CDC42BPA: variants seen among roughly 807,000 people sequenced by gnomAD.
CDC42BPA encodes CDC42 binding protein kinase alpha.
A neutral mutation model predicts 223.5 loss-of-function variants in CDC42BPA; 80 were observed. The ratio of observed to expected loss-of-function variants is 0.36; its 90% confidence interval spans 0.30 to 0.43. The LOEUF is 0.43. Among genes scored for constraint, CDC42BPA ranks in the 20% least tolerant of loss-of-function variants. The probability of loss-of-function intolerance (pLI) is 1.00; values close to 1 mark genes in which losing one functional copy is unlikely to be tolerated. For synonymous variants in CDC42BPA, 694 were observed against 718.6 expected (o/e 0.97, Z 0.55); for missense variants, 1,743 against 2,099.9 (o/e 0.83, Z 3.32).
chr1:227,123,648 G>A (rs1309387144), intron 11 of CDC42BPA, among the ~76,000 whole-genome samples: 1 of 152,188 alleles, frequency 6.6e-6, no homozygotes, highest in East Asian at 1.9e-4. Context: ...ACTATAAACT[G>A]GAAAGGAGTT....
intron 1 of CDC42BPA, among the ~76,000 whole-genome samples, chr1:227,314,087 C>G (rs185911136): frequency 1.3e-5 from 2 of 152,100 alleles, no homozygotes; most frequent in Admixed American, 6.5e-5. Flanking sequence ...GCCGATTTAA[C>G]GAATGATATA....
chr1:227,186,974 C>T (rs183948478), intron 5 of CDC42BPA, among the ~76,000 whole-genome samples: 8 of 152,256 alleles, frequency 5.3e-5, no homozygotes, highest in Admixed American at 4.6e-4. Flanking sequence ...TTAGGAACTG[C>T]CTTTTCTTTT....
At chr1:227,016,832 A>G (rs1666370952) in intron 33 of CDC42BPA, 95 bp downstream of exon 33, 4 of 1,239,142 alleles carry the variant, frequency 3.2e-6, no homozygotes, top group Non-Finnish European at 4.4e-6. Context: ...ATTTTCAGAT[A>G]CCCAATTTTC....
At chr1:227,301,932 ATTG>A (rs1367297710) in intron 1 of CDC42BPA, among the ~76,000 whole-genome samples, 2 of 151,634 alleles carry the variant, frequency 1.3e-5, no homozygotes, top group African/African-American at 4.8e-5. Flanking sequence ...TATTTTTCTT[ATTG>A]TTTTCTCATT....
At chr1:227,049,008 T>C (rs1673024437) in intron 22 of CDC42BPA, among the ~76,000 whole-genome samples, 1 of 151,984 alleles carries the variant, frequency 6.6e-6, no homozygotes, top group Non-Finnish European at 1.5e-5. Context: ...CAAAATTCAG[T>C]TGAGTTTCTC....
chr1:227,075,860 A>G (rs1679360329), intron 17 of CDC42BPA, among the ~76,000 whole-genome samples: 1 of 152,172 alleles, frequency 6.6e-6, no homozygotes, highest in Non-Finnish European at 1.5e-5. Context: ...GTTTATGCAC[A>G]TTTCCAAGAA....
chr1:227,260,152 A>G (rs1479558583), intron 1 of CDC42BPA, among the ~76,000 whole-genome samples: 1 of 151,058 alleles, frequency 6.6e-6, no homozygotes, highest in African/African-American at 2.5e-5. Context: ...CCTTTCCAAC[A>G]TAACAAGTTG....
chr1:227,047,983 G>T lies in CDC42BPA; in HGVS notation c.3037C>A (p.His1013Asn). The T allele has an allele frequency of 6.2e-7, 1 of 1,611,166 alleles. No individual in the cohort carries two copies. The highest frequency in any genetic ancestry group is 1.1e-5 in the South Asian group (1 of 90,908). ...KTVDSTPLSV[H>N]TPTLRKKGCP... ...CCTTTTTTCCTTAAGGTTGGTGTGT[G>T]AACTGAAAGTGGAGTGGAGTCTACA... Residue 1013 changes from histidine to asparagine, a missense_variant, in exon 23 of 37, where the codon CAC (histidine) becomes AAC (asparagine). Physicochemically the swap from His to Asn is moderately conservative, Grantham distance 68 (BLOSUM62 1). Transcript: ENST00000366766.
chr1:227,034,642 T>G lies in CDC42BPA; in HGVS notation c.3476+13A>C. On this transcript the variant is annotated intron_variant, in intron 26 of 36. Coordinates refer to ENST00000366766, the MANE Select transcript of CDC42BPA (RefSeq NM_001394014.1). Reference sequence around the variant, plus strand: ...TTGCAATGATACAAATAATTTTACCTTCAAACTCTTACCTCATGTCAATCA... The same window carrying G: ...TTGCAATGATACAAATAATTTTACCGTCAAACTCTTACCTCATGTCAATCA... The G allele has an allele frequency of 6.3e-7, 1 of 1,581,886 alleles. No individual in the cohort carries two copies. Among genetic ancestry groups the G allele is most frequent in the South Asian group, 1.2e-5 (1 of 85,960 alleles).
chr1:227,190,131 C>G (rs925157309), intron 5 of CDC42BPA, among the ~76,000 whole-genome samples: 2 of 152,156 alleles, frequency 1.3e-5, no homozygotes, highest in Non-Finnish European at 2.9e-5. Context: ...CTACTATTTA[C>G]CTTCTTATGT....
chr1:227,147,825 CAA>C (rs986709660), intron 6 of CDC42BPA, among the ~76,000 whole-genome samples: 5 of 151,394 alleles, frequency 3.3e-5, no homozygotes, highest in Admixed American at 3.3e-4. Flanking sequence ...ACCATCATAC[CAA>C]TTAAGAACAA....
At chr1:227,101,504 T>G (rs1358303995) in intron 14 of CDC42BPA, among the ~76,000 whole-genome samples, 1 of 152,152 alleles carries the variant, frequency 6.6e-6, no homozygotes, top group South Asian at 2.1e-4. Flanking sequence ...ATTCAAATTT[T>G]TGGCTGGGAC....
At chr1:227,046,995 T>C (rs1672583281) in intron 23 of CDC42BPA, among the ~76,000 whole-genome samples, 1 of 152,128 alleles carries the variant, frequency 6.6e-6, no homozygotes, top group Non-Finnish European at 1.5e-5. Context: ...TGCCCAATAT[T>C]TTTCCTTTTA....
chr1:227,156,042 C>A (rs951348434), intron 6 of CDC42BPA, among the ~76,000 whole-genome samples: 4 of 151,850 alleles, frequency 2.6e-5, no homozygotes, highest in Admixed American at 1.3e-4. Flanking sequence ...TAGAGCAAGA[C>A]CCTGCCTCAA....
chr1:227,296,123 T>C lies in CDC42BPA; in HGVS notation c.178+20882A>G, dbSNP rs529166929. On this transcript the variant is annotated intron_variant, in intron 1 of 36. Coordinates refer to ENST00000366766, the MANE Select transcript of CDC42BPA (RefSeq NM_001394014.1). ...TCAATTTCAAAACTTACTACAAAAC[T>C]ATAGCAATCCAGGCTGTATGGTACT... 9.9e-5 allele frequency among the ~76,000 whole-genome samples: 15 copies of C among 152,266 alleles called. No individual in the cohort carries two copies. In the South Asian group the frequency reaches 3.1e-3, roughly 32 times the overall value.
At chr1:227,041,933 T>C (rs568830636) in intron 23 of CDC42BPA, among the ~76,000 whole-genome samples, 33 of 152,330 alleles carry the variant, frequency 2.2e-4, no homozygotes, top group African/African-American at 5.8e-4. Flanking sequence ...CTTGGAAAGA[T>C]AGATATTATT....
At chr1:227,228,433 G>A (rs540870750) in intron 2 of CDC42BPA, among the ~76,000 whole-genome samples, 1 of 152,240 alleles carries the variant, frequency 6.6e-6, no homozygotes, top group Non-Finnish European at 1.5e-5. Context: ...ATCAGTTGAT[G>A]GACATTTGAA....
rs1689375446 is a variant in CDC42BPA at position 227,125,359 on chromosome 1, C to G, written c.1513+3750G>C. On this transcript the variant is annotated intron_variant, in intron 11 of 36. Coordinates refer to ENST00000366766, the MANE Select transcript of CDC42BPA (RefSeq NM_001394014.1). ...GGGTGTGGTTACTCATCCCAAAAATCCCAGCACTTTGGAAAGCTGAGGAGG... is the reference window on the plus strand; with the variant it reads ...GGGTGTGGTTACTCATCCCAAAAATGCCAGCACTTTGGAAAGCTGAGGAGG... Among the ~76,000 whole-genome samples, 8 of 151,994 alleles carry G rather than the reference C, an allele frequency of 5.3e-5. No homozygotes were observed. In the South Asian group the frequency reaches 1.7e-3, roughly 32 times the overall value.
chr1:227,139,663 G>C lies in CDC42BPA; in HGVS notation c.1303C>G (p.Leu435Val), dbSNP rs1659313250. 1.2e-6 allele frequency: 2 copies of C among 1,611,188 alleles called. No homozygotes were observed. Among genetic ancestry groups the C allele is most frequent in the Non-Finnish European group, 1.7e-6 (2 of 1,178,634 alleles). Reference sequence around the variant, plus strand: ...GCTTCAGTTGCTAAGTTGTTGTCTAGAGTCCTCTGAACATTAACATCAAGA... The same window carrying C: ...GCTTCAGTTGCTAAGTTGTTGTCTACAGTCCTCTGAACATTAACATCAAGA... ...LDLDVNVQRT[L>V]DNNLATEAYE... Residue 435 changes from leucine (L) to valine (V), a missense_variant, in exon 10 of 37, where the codon CTA (leucine) becomes GTA (valine). Physicochemically the swap from Leu to Val is conservative, Grantham distance 32. This residue lies in a region of CDC42BPA where 464 missense variants were observed against 488.0 expected (regional missense o/e 0.95). Transcript: ENST00000366766.
Sources: gnomAD v4.1 joint callset for allele counts (sites outside exome capture counted in the v4.1 genomes callset) on GRCh38, gnomAD v4.1.1 for gene constraint, gnomAD v4.1.1 regional missense constraint, MANE v1.5 for transcripts, NCBI Gene and HGNC (gene_info 2026-07-23, HGNC 2026-07-21) for gene names.